MTX2: variants seen among roughly 807,000 people sequenced by gnomAD.
The protein encoded by MTX2 is metaxin 2.
A neutral mutation model predicts 42.3 loss-of-function variants in MTX2; 35 were observed. That is an observed-to-expected ratio of 0.83 (90% CI 0.63 to 1.10). The LOEUF (loss-of-function observed/expected upper bound fraction) is 1.10. Among genes scored for constraint, MTX2 ranks in the 50% least tolerant of loss-of-function variants. The pLI, the probability that MTX2 is intolerant of heterozygous loss-of-function variation, is 0.00. For synonymous variants in MTX2, 119 were observed against 100.9 expected (o/e 1.18, Z -1.08); for missense variants, 307 against 304.1 (o/e 1.01, Z -0.07).
At chr2:176,285,746 A>G (rs925231284) in intron 1 of MTX2, among the ~76,000 whole-genome samples, 1 of 152,020 alleles carries the variant, frequency 6.6e-6, no homozygotes, top group African/African-American at 2.4e-5. Context: ...ATAGTATTCC[A>G]TCATATGGAT....
chr2:176,276,377 A>C (rs1254356364), intron 1 of MTX2, among the ~76,000 whole-genome samples: 3 of 152,172 alleles, frequency 2.0e-5, no homozygotes, highest in African/African-American at 7.2e-5. Flanking sequence ...TAAGCTTTTG[A>C]GCTACTGTGT....
chr2:176,297,894 A>G lies in MTX2; in HGVS notation c.134A>G (p.Gln45Arg). 1 of 1,559,092 alleles carries G rather than the reference A, an allele frequency of 6.4e-7. No homozygotes were observed. Among genetic ancestry groups the G allele is most frequent in the South Asian group, 1.2e-5 (1 of 81,140 alleles). ...LSDNAASLAV[Q>R]AFLQMCNLPI... ...GACAATGCAGCTTCTCTTGCAGTGCAGGTAAATATGTAAATAATGTAATAT... is the reference window on the plus strand; with the variant it reads ...GACAATGCAGCTTCTCTTGCAGTGCGGGTAAATATGTAAATAATGTAATAT... Residue 45 changes from glutamine to arginine, a missense_variant and splice_region_variant, in exon 3 of 10, where the codon CAG (glutamine) becomes CGG (arginine). Physicochemically the swap from Gln to Arg is conservative, Grantham distance 43. Transcript: ENST00000249442.
intron 3 of MTX2, among the ~76,000 whole-genome samples, chr2:176,303,593 A>G (rs982889375): frequency 6.6e-6 from 1 of 152,148 alleles, no homozygotes; most frequent in Non-Finnish European, 1.5e-5. Context: ...ATTTCAGTAT[A>G]TAAAATGTGA....
Position 176,299,877 on chromosome 2 carries a change from G to A in MTX2, c.135+1982G>A, listed in dbSNP as rs1683980532. 2.0e-5 allele frequency among the ~76,000 whole-genome samples: 3 copies of A among 151,968 alleles called. No individual in the cohort carries two copies. The South Asian group carries it at 6.2e-4, about 32-fold the overall frequency. Reference sequence around the variant, plus strand: ...AATAGTCTGCCAGTTAGGCCATTAGGAAATTTAAATTTTACTTAACACATA... The same window carrying A: ...AATAGTCTGCCAGTTAGGCCATTAGAAAATTTAAATTTTACTTAACACATA... On this transcript the variant is annotated intron_variant, in intron 3 of 9. Transcript: ENST00000249442.
chr2:176,295,291 G>A (rs181770855), intron 1 of MTX2, among the ~76,000 whole-genome samples: 1 of 152,186 alleles, frequency 6.6e-6, no homozygotes, highest in East Asian at 1.9e-4. Flanking sequence ...TCATTGTATT[G>A]TTTTTAGTAT....
At chr2:176,299,987 A>AT (rs1558932421) in intron 3 of MTX2, among the ~76,000 whole-genome samples, 4 of 151,436 alleles carry the variant, frequency 2.6e-5, no homozygotes, top group Non-Finnish European at 4.4e-5. Context: ...TTTAAAAATA[A>AT]TTTTTTTTTC....
At chr2:176,336,764 A>G (rs1378132802) in intron 9 of MTX2, among the ~76,000 whole-genome samples, 3 of 152,136 alleles carry the variant, frequency 2.0e-5, no homozygotes, top group Non-Finnish European at 4.4e-5. Context: ...ATATAGCAGA[A>G]ACTCCAAGAA....
intron 1 of MTX2, among the ~76,000 whole-genome samples, chr2:176,291,699 G>C (rs962530565): frequency 2.0e-5 from 3 of 152,058 alleles, no homozygotes; most frequent in Non-Finnish European, 4.4e-5. Flanking sequence ...AACCAAGCAG[G>C]GGGCCCTTCC....
rs780486769 is a variant in MTX2 at position 176,329,304 on chromosome 2, A to G, written c.421A>G (p.Thr141Ala). The change falls in exon 8 of 10, where the codon ACT becomes GCT. Residue 141 changes from threonine to alanine, a missense_variant. Physicochemically the swap from Thr to Ala is moderately conservative, Grantham distance 58. Transcript: ENST00000249442. ...WCDEATVGEI[T>A]HARYGSPYPW... The stretch of plus-strand genomic sequence containing the variant: ...TTACAAAATCTTTTTACTTTAGATC[A>G]CTCATGCTAGGTATGGATCTCCTTA... 2.5e-6 allele frequency: 4 copies of G among 1,597,284 alleles called. No individual in the cohort carries two copies. The highest frequency in any genetic ancestry group is 2.7e-5 in the African/African-American group (2 of 73,966).
chr2:176,324,763 CAT>C (rs1684670910), intron 4 of MTX2, among the ~76,000 whole-genome samples: 2 of 151,632 alleles, frequency 1.3e-5, no homozygotes, highest in Non-Finnish European at 1.5e-5. Flanking sequence ...GAAAGACAAA[CAT>C]AAATATTCTA....
At chr2:176,295,487 G>A (rs549678234) in intron 1 of MTX2, among the ~76,000 whole-genome samples, 224 of 152,210 alleles carry the variant, frequency 1.5e-3, no homozygotes, top group African/African-American at 5.1e-3. Context: ...TTTCATTGCT[G>A]TGTTGGTATG....
intron 9 of MTX2, among the ~76,000 whole-genome samples, chr2:176,336,384 A>G (rs1400640932): frequency 6.6e-6 from 1 of 152,100 alleles, no homozygotes; most frequent in East Asian, 1.9e-4. Context: ...GTTACTTTAA[A>G]TGTGGTAAAA....
intron 3 of MTX2, among the ~76,000 whole-genome samples, chr2:176,314,422 G>A (rs1210573447): frequency 6.6e-6 from 1 of 150,634 alleles, no homozygotes. Flanking sequence ...GGGTGACAGA[G>A]CAAGACTCTG....
chr2:176,322,574 G>T (rs1311894107), intron 3 of MTX2, among the ~76,000 whole-genome samples: 1 of 152,008 alleles, frequency 6.6e-6, no homozygotes, highest in Non-Finnish European at 1.5e-5. Flanking sequence ...AGAACAAGGG[G>T]AGTGGACTTT....
chr2:176,327,322 T>C (rs1299141522), intron 5 of MTX2, among the ~76,000 whole-genome samples: 1 of 151,120 alleles, frequency 6.6e-6, no homozygotes. Context: ...TTTTCATTTA[T>C]TCAGTTTAGA....
chr2:176,290,857 C>T (rs1473038726), intron 1 of MTX2, among the ~76,000 whole-genome samples: 2 of 151,278 alleles, frequency 1.3e-5, no homozygotes, highest in Non-Finnish European at 2.9e-5. Context: ...TATTTCTTAC[C>T]TTTGCACTAA....
chr2:176,271,543 G>A (rs936603468), intron 1 of MTX2, among the ~76,000 whole-genome samples: 1 of 152,140 alleles, frequency 6.6e-6, no homozygotes, highest in Non-Finnish European at 1.5e-5. Flanking sequence ...GTGAACAGAT[G>A]AAAAGATGTT....
rs1050202640 is a variant in MTX2, at chr2:176,326,860, G to A, written c.244G>A (p.Val82Ile). Residue 82 changes from valine to isoleucine, a missense_variant, in exon 5 of 10, where the codon GTA becomes ATA. Coordinates refer to ENST00000249442, the MANE Select transcript of MTX2 (RefSeq NM_006554.5). ...VPFIHVGNQV[V>I]SELGPIVQFV... ...TTTTATTCATGTGGGAAATCAAGTA[G>A]TATCAGAACTTGGTCCAATAGTCCA... The A allele has an allele frequency of 6.4e-7, 1 of 1,573,988 alleles. No individual in the cohort carries two copies. The highest frequency in any genetic ancestry group is 1.9e-5 in the Admixed American group (1 of 53,814).
chr2:176,317,306 C>T (rs1011369401), intron 3 of MTX2, among the ~76,000 whole-genome samples: 1 of 151,708 alleles, frequency 6.6e-6, no homozygotes, highest in African/African-American at 2.4e-5. Context: ...TTGTACATAC[C>T]TTATAGGGTA....
Sources: gnomAD v4.1 joint callset for allele counts (sites outside exome capture counted in the v4.1 genomes callset) on GRCh38, gnomAD v4.1.1 for gene constraint, MANE v1.5 for transcripts, NCBI Gene and HGNC (gene_info 2026-07-23, HGNC 2026-07-21) for gene names.